NRXN1: variants seen among roughly 807,000 people sequenced by gnomAD.
The protein encoded by NRXN1 is neurexin 1, also known as neurexin-1.
In NRXN1, 39 loss-of-function variants were observed where a neutral mutation model predicts 150.9. The ratio of observed to expected loss-of-function variants is 0.26; its 90% CI spans 0.20 to 0.34. The LOEUF (loss-of-function observed/expected upper bound fraction) is 0.34. Among genes scored for constraint, NRXN1 ranks in the 10% least tolerant of loss-of-function variants. The pLI is 1.00. For missense variants in NRXN1, 1,815 were observed against 1,949.9 expected (o/e 0.93, Z 1.30); for synonymous variants, 924 against 757.0 (o/e 1.22, Z -3.62).
chr2:50,657,178 C>A (rs1686609502), intron 5 of NRXN1, among the ~76,000 whole-genome samples: 1 of 151,938 alleles, frequency 6.6e-6, no homozygotes, highest in Admixed American at 6.6e-5. Flanking sequence ...TACCCTAAAG[C>A]CTCCAGTTTT....
intron 5 of NRXN1, among the ~76,000 whole-genome samples, chr2:50,834,854 G>C (rs938825888): frequency 5.3e-5 from 8 of 152,046 alleles, no homozygotes; most frequent in Admixed American, 3.9e-4. Flanking sequence ...CTTAGTGCAC[G>C]CCTTTAGAAA....
chr2:50,042,935 C>G (rs910098734), intron 21 of NRXN1, among the ~76,000 whole-genome samples: 1 of 151,972 alleles, frequency 6.6e-6, no homozygotes, highest in Admixed American at 6.6e-5. Context: ...TAGTATTTTT[C>G]AAATGGAGAA....
chr2:50,436,340 C>G (rs896018526), intron 17 of NRXN1, among the ~76,000 whole-genome samples: 1 of 152,078 alleles, frequency 6.6e-6, no homozygotes, highest in Non-Finnish European at 1.5e-5. Context: ...GTAATCCCAG[C>G]TACTTGGGAA....
At chr2:50,975,891 T>C (rs2104828422) in intron 2 of NRXN1, among the ~76,000 whole-genome samples, 1 of 152,116 alleles carries the variant, frequency 6.6e-6, no homozygotes, top group Admixed American at 6.6e-5. Context: ...AAGAAGAAAT[T>C]GTGTTTTGTT....
chr2:50,492,426 T>C (rs10205639), intron 15 of NRXN1, among the ~76,000 whole-genome samples: 8,419 of 152,196 alleles, frequency 0.055, 808 homozygotes, highest in African/African-American at 0.19. Flanking sequence ...ATCGTTTCTA[T>C]TGGAGTCAAG....
At chr2:50,806,587 T>C (rs1206680655) in intron 5 of NRXN1, among the ~76,000 whole-genome samples, 2 of 152,152 alleles carry the variant, frequency 1.3e-5, no homozygotes, top group African/African-American at 4.8e-5. Flanking sequence ...GTTGAATATC[T>C]TTCAGTAATT....
chr2:50,749,475 G>C (rs1219808293), intron 5 of NRXN1, among the ~76,000 whole-genome samples: 1 of 152,024 alleles, frequency 6.6e-6, no homozygotes, highest in East Asian at 1.9e-4. Flanking sequence ...CCAGGAATTA[G>C]TGCATAACCC....
intron 2 of NRXN1, among the ~76,000 whole-genome samples, chr2:50,931,830 A>C (rs1687788510): frequency 6.6e-6 from 1 of 151,940 alleles, no homozygotes; most frequent in South Asian, 2.1e-4. Context: ...ATACATTGAA[A>C]TTTTCCAGGA....
chr2:50,722,928 A>C (rs1241429443), intron 5 of NRXN1, among the ~76,000 whole-genome samples: 4 of 152,084 alleles, frequency 2.6e-5, no homozygotes, highest in Non-Finnish European at 5.9e-5. Flanking sequence ...GCCTTGGTCC[A>C]ACTCCTCCTT....
rs1005218168 is a variant in NRXN1 at position 50,346,784 on chromosome 2, C to T, written c.3365-109814G>A. ...CCATGGAAATGGTGGATGTGGTGCG[C>T]TCCCAAACTGGATGCCCCCCACGCC... On this transcript the variant is annotated intron_variant, in intron 17 of 22. Coordinates refer to ENST00000401669, the MANE Select transcript of NRXN1 (RefSeq NM_001330078.2). This position sits in a 1 kb window ranked among gnomAD's most constrained non-coding sequence, Gnocchi z 5.0. 6.2e-7 allele frequency: 1 copy of T among 1,613,724 alleles called. No homozygotes were observed. Among genetic ancestry groups the T allele is most frequent in the Non-Finnish European group, 8.5e-7 (1 of 1,179,946 alleles).
chr2:50,436,205 G>T (rs527462256), intron 17 of NRXN1, among the ~76,000 whole-genome samples: 2 of 152,286 alleles, frequency 1.3e-5, no homozygotes, highest in African/African-American at 4.8e-5. Context: ...TGTAATCCCA[G>T]CACTTTGAGA....
At chr2:50,856,911 G>A (rs1036260280) in intron 5 of NRXN1, among the ~76,000 whole-genome samples, 1 of 151,984 alleles carries the variant, frequency 6.6e-6, no homozygotes, top group African/African-American at 2.4e-5. Flanking sequence ...CAGATAACTA[G>A]CTCTAGCCTA....
intron 18 of NRXN1, among the ~76,000 whole-genome samples, chr2:50,145,305 C>G (rs1707840410): frequency 6.6e-6 from 1 of 151,668 alleles, no homozygotes; most frequent in Admixed American, 6.6e-5. Flanking sequence ...CAAATACACA[C>G]ACACACACAG....
intron 18 of NRXN1, among the ~76,000 whole-genome samples, chr2:50,145,140 A>G (rs1489276404): frequency 6.6e-6 from 1 of 151,800 alleles, no homozygotes; most frequent in Non-Finnish European, 1.5e-5. Context: ...CTTTAGATCT[A>G]TGATTTTTAA....
intron 19 of NRXN1, among the ~76,000 whole-genome samples, chr2:50,077,884 A>G (rs1697337865): frequency 6.6e-6 from 1 of 152,048 alleles, no homozygotes; most frequent in Non-Finnish European, 1.5e-5. Flanking sequence ...AACATGAGGA[A>G]AGTCTGTCTC....
chr2:49,991,196 C>A (rs1681886623), intron 21 of NRXN1, among the ~76,000 whole-genome samples: 1 of 151,990 alleles, frequency 6.6e-6, no homozygotes, highest in African/African-American at 2.4e-5. Context: ...TCCCTTTCAC[C>A]AACTGTTTCA....
At chr2:50,547,098 T>C (rs546783237) in intron 9 of NRXN1, among the ~76,000 whole-genome samples, 3 of 152,306 alleles carry the variant, frequency 2.0e-5, no homozygotes, top group Non-Finnish European at 2.9e-5. Flanking sequence ...GAGAGCCTTG[T>C]ACCTTTCCCA....
rs566296910 is a variant in NRXN1 at position 50,585,104 on chromosome 2, A to G, written c.1321-32079T>C. Among the ~76,000 whole-genome samples the G allele has an allele frequency of 1.5e-3, 223 of 152,276 alleles. 1 individual carries two copies. Among genetic ancestry groups the G allele is most frequent in the African/African-American group, 5.1e-3 (210 of 41,558 alleles). ...CCTGAGCATTCTGATTTGAAAAATA[A>G]TGTAGTAGTAGTTTAGCCCATGAAT... On this transcript the variant is annotated intron_variant, in intron 8 of 22. Transcript: ENST00000401669.
chr2:50,481,670 G>A (rs1022519847), intron 15 of NRXN1, among the ~76,000 whole-genome samples: 1 of 149,416 alleles, frequency 6.7e-6, no homozygotes, highest in African/African-American at 2.5e-5. Context: ...AGACCTTAAC[G>A]TTTTCCTGTA....
Sources: allele counts gnomAD v4.1 joint callset (sites outside exome capture counted in the v4.1 genomes callset), GRCh38; gene constraint gnomAD v4.1.1; non-coding constraint Gnocchi (gnomAD v3.1); transcripts MANE v1.5; gene names NCBI Gene and HGNC (gene_info 2026-07-23, HGNC 2026-07-21).